TRMT11: variants seen among roughly 807,000 people sequenced by gnomAD.
TRMT11 encodes the protein tRNA methyltransferase 11, also known as tRNA (guanine(10)-N(2))-methyltransferase TRMT11.
TRMT11 carries 53 observed loss-of-function variants against 62.8 expected under a neutral mutation model. The observed-to-expected ratio is 0.84, with a 90% CI of 0.68 to 1.06. The LOEUF (loss-of-function observed/expected upper bound fraction) is 1.06, where lower values mean the gene tolerates loss of function less well. TRMT11 is among the 50% of genes least tolerant of loss of function. TRMT11 has a pLI of 0.00. For missense variants in TRMT11, 556 were observed against 553.4 expected (o/e 1.00, Z -0.05); for synonymous variants, 188 against 190.3 (o/e 0.99, Z 0.10).
the TRMT11 span, among the ~76,000 whole-genome samples, chr6:126,263,960 G>A: frequency 6.6e-6 from 1 of 152,080 alleles, no homozygotes; most frequent in Non-Finnish European, 1.5e-5. Flanking sequence ...GTTTGTTTTC[G>A]GTTGGGCAAT....
chr6:126,245,518 G>C, the TRMT11 span, among the ~76,000 whole-genome samples: 4 of 152,230 alleles, frequency 2.6e-5, no homozygotes, highest in Admixed American at 6.5e-5. Context: ...CAAAACAAAG[G>C]TCAGACTGGC....
chr6:126,047,602 GCTGTCACCCTGA>G lies in TRMT11; in HGVS notation c.*1370-5518_*1370-5507del, dbSNP rs933751289. On this transcript the variant is annotated intron_variant and NMD_transcript_variant, in intron 16 of 22. Transcript: ENST00000648977. ...GTATCAAGAGGGCAAGGTGTAAAAGGCTGTCACCCTGACTCTCCACTGAGCTGGTTTAACACT... is the reference window on the plus strand; with the variant it reads ...GTATCAAGAGGGCAAGGTGTAAAAGGCTCTCCACTGAGCTGGTTTAACACT... 4.1e-4 allele frequency among the ~76,000 whole-genome samples: 63 copies of G among 152,218 alleles called. 1 individual carries two copies. The highest frequency in any genetic ancestry group is 1.4e-3 in the African/African-American group (60 of 41,548).
chr6:126,218,159 A>C, the TRMT11 span, among the ~76,000 whole-genome samples: 1 of 152,194 alleles, frequency 6.6e-6, no homozygotes, highest in African/African-American at 2.4e-5. Flanking sequence ...AATGCCACCC[A>C]AAAACCAAGG....
intron 17 of TRMT11, among the ~76,000 whole-genome samples, chr6:126,099,177 A>G (rs1430705657): frequency 6.6e-6 from 1 of 152,178 alleles, no homozygotes; most frequent in East Asian, 1.9e-4. Context: ...AGAATTGTAT[A>G]CTTCTTCAAA....
intron 6 of TRMT11, 94 bp downstream of exon 6, chr6:125,998,778 C>T: frequency 8.1e-7 from 1 of 1,232,908 alleles, no homozygotes; most frequent in Non-Finnish European, 1.1e-6. Context: ...TTTAAAGCAG[C>T]TGAAGAGTCA....
chr6:126,147,559 C>T (rs1777987737), intron 21 of TRMT11, among the ~76,000 whole-genome samples: 1 of 152,114 alleles, frequency 6.6e-6, no homozygotes, highest in African/African-American at 2.4e-5. Flanking sequence ...GGCTGTTCGT[C>T]CATGTATTAA....
intron 11 of TRMT11, among the ~76,000 whole-genome samples, chr6:126,020,148 G>A (rs1045889918): frequency 6.6e-6 from 1 of 152,148 alleles, no homozygotes; most frequent in Non-Finnish European, 1.5e-5. Context: ...AAAACAGGTA[G>A]CTGAGATTGT....
intron 17 of TRMT11, among the ~76,000 whole-genome samples, chr6:126,083,323 A>G (rs1396823641): frequency 1.3e-5 from 2 of 152,114 alleles, no homozygotes; most frequent in Non-Finnish European, 2.9e-5. Flanking sequence ...ACCCCAATGT[A>G]CCTAAGCCTA....
At chr6:126,261,134 T>C in the TRMT11 span, among the ~76,000 whole-genome samples, 448 of 152,326 alleles carry the variant, frequency 2.9e-3, 23 homozygotes, top group East Asian at 0.072. Flanking sequence ...TCTTATTTTA[T>C]GTTGTCCCTT....
the TRMT11 span, among the ~76,000 whole-genome samples, chr6:126,220,070 C>T: frequency 6.6e-6 from 1 of 152,148 alleles, no homozygotes; most frequent in Non-Finnish European, 1.5e-5. Context: ...GATGTTTCAT[C>T]TTGACACATG....
At chr6:126,044,650 C>G (rs1398722791) in intron 16 of TRMT11, among the ~76,000 whole-genome samples, 1 of 152,152 alleles carries the variant, frequency 6.6e-6, no homozygotes, top group Admixed American at 6.5e-5. Flanking sequence ...GAGTCTTTCT[C>G]TCCCCTGTCT....
intron 21 of TRMT11, among the ~76,000 whole-genome samples, chr6:126,168,370 A>T (rs573274904): frequency 6.6e-6 from 1 of 152,212 alleles, no homozygotes; most frequent in Non-Finnish European, 1.5e-5. Flanking sequence ...ATGACATGTC[A>T]TTGGTGAATG....
intron 12 of TRMT11, among the ~76,000 whole-genome samples, chr6:126,030,261 A>C (rs188699758): frequency 6.6e-6 from 1 of 152,288 alleles, no homozygotes; most frequent in Admixed American, 6.5e-5. Flanking sequence ...CCAGATGTAG[A>C]ACAGTGGGAA....
the TRMT11 span, among the ~76,000 whole-genome samples, chr6:126,266,496 GTCTT>G: frequency 6.6e-6 from 1 of 152,018 alleles, no homozygotes; most frequent in Non-Finnish European, 1.5e-5. Context: ...CAGAAATTCT[GTCTT>G]TCTTTCTTTG....
downstream of TRMT11, among the ~76,000 whole-genome samples, chr6:126,043,663 CCCA>C (rs1297728474): frequency 6.6e-6 from 1 of 152,090 alleles, no homozygotes; most frequent in Non-Finnish European, 1.5e-5. Flanking sequence ...AGTTTACAGT[CCCA>C]CCAACAGTGT....
chr6:126,166,489 C>T (rs1778265364), intron 21 of TRMT11, among the ~76,000 whole-genome samples: 1 of 152,184 alleles, frequency 6.6e-6, no homozygotes, highest in Admixed American at 6.5e-5. Context: ...AGATTGCTGC[C>T]TGTTCCTTCC....
At chr6:126,195,978 C>G (rs1483153602) in intron 1 of TRMT11, among the ~76,000 whole-genome samples, 1 of 152,146 alleles carries the variant, frequency 6.6e-6, no homozygotes, top group Non-Finnish European at 1.5e-5. Context: ...ATTATTTGCA[C>G]TAAGAATGGC....
At position 126,038,708 on chromosome 6, in the gene TRMT11, C is replaced by G. The variant is rs142681128; in HGVS notation, c.1264C>G (p.Arg422Gly). Residue 422 changes from arginine (R) to glycine (G), a missense_variant, in exon 13 of 13, where the codon CGG becomes GGG. Arg to Gly is a moderately radical substitution (Grantham distance 125, BLOSUM62 -2). Coordinates refer to ENST00000334379, the MANE Select transcript of TRMT11 (RefSeq NM_001031712.3). Reference protein sequence around the residue: ...TMEKVKKFENRDQYSHLLSDH... With the variant: ...TMEKVKKFENGDQYSHLLSDH... ...TTTGTATTTTCCAACCAAACAGAATCGGGACCAGTATTCACATCTGCTAAG... is the reference window on the plus strand; with the variant it reads ...TTTGTATTTTCCAACCAAACAGAATGGGGACCAGTATTCACATCTGCTAAG... 7 of 1,550,962 alleles carry G rather than the reference C, an allele frequency of 4.5e-6. No individual in the cohort carries two copies. Among genetic ancestry groups the G allele is most frequent in the Non-Finnish European group, 6.1e-6 (7 of 1,155,730 alleles).
At chr6:126,254,024 A>G in the TRMT11 span, among the ~76,000 whole-genome samples, 2 of 152,160 alleles carry the variant, frequency 1.3e-5, no homozygotes, top group African/African-American at 2.4e-5. Flanking sequence ...ACTAGAGTTG[A>G]TTATGGTTAT....
Sources: allele counts gnomAD v4.1 joint callset (sites outside exome capture counted in the v4.1 genomes callset), GRCh38; gene constraint gnomAD v4.1.1; transcripts MANE v1.5; gene names NCBI Gene and HGNC (gene_info 2026-07-23, HGNC 2026-07-21).